KLF12: variants seen among roughly 807,000 people sequenced by gnomAD.
The protein encoded by KLF12 is KLF transcription factor 12, also known as Krueppel-like factor 12.
A neutral mutation model predicts 37.8 loss-of-function variants in KLF12; 9 were observed. That is an observed-to-expected ratio of 0.24 (90% CI 0.14 to 0.42). The LOEUF (loss-of-function observed/expected upper bound fraction) is 0.42. Among genes scored for constraint, KLF12 ranks in the 10% least tolerant of loss-of-function variants. The probability of loss-of-function intolerance (pLI) is 1.00; values close to 1 mark genes in which losing one functional copy is unlikely to be tolerated. For missense variants in KLF12, 411 were observed against 516.0 expected (o/e 0.80, Z 1.97); for synonymous variants, 208 against 202.1 (o/e 1.03, Z -0.25).
the KLF12 span, among the ~76,000 whole-genome samples, chr13:74,184,432 G>GA: frequency 2.1e-4 from 31 of 148,860 alleles, no homozygotes; most frequent in East Asian, 3.7e-3. Flanking sequence ...TTTCCAAACT[G>GA]AAAAAAAAAA....
At chr13:74,268,807 C>T in the KLF12 span, among the ~76,000 whole-genome samples, 4 of 152,180 alleles carry the variant, frequency 2.6e-5, no homozygotes, top group African/African-American at 9.7e-5. Flanking sequence ...AATGCATCCA[C>T]CAGGCATTGT....
chr13:74,074,040 T>C (rs1249774891), intron 1 of KLF12, among the ~76,000 whole-genome samples: 1 of 152,216 alleles, frequency 6.6e-6, no homozygotes, highest in African/African-American at 2.4e-5. Context: ...TTAGAAGACA[T>C]TTTCTATAGG....
At chr13:74,242,747 A>C in the KLF12 span, among the ~76,000 whole-genome samples, 1 of 152,130 alleles carries the variant, frequency 6.6e-6, no homozygotes, top group Non-Finnish European at 1.5e-5. Flanking sequence ...CTGGGGATAC[A>C]AGGGGAAAGA....
chr13:74,258,540 G>T, the KLF12 span: 1 of 152,106 alleles, frequency 6.6e-6, no homozygotes, highest in Non-Finnish European at 1.5e-5. Flanking sequence ...TTATATTTTT[G>T]CAAATTTTTG....
At chr13:74,064,406 A>ATTCAG (rs10678425) in intron 1 of KLF12, among the ~76,000 whole-genome samples, 3 of 152,096 alleles carry the variant, frequency 2.0e-5, no homozygotes, top group Non-Finnish European at 4.4e-5. Context: ...CTCACTCAAT[A>ATTCAG]TTAAGTATTA....
intron 6 of KLF12, among the ~76,000 whole-genome samples, chr13:73,732,826 C>G (rs1410617958): frequency 6.6e-6 from 1 of 152,050 alleles, no homozygotes; most frequent in Non-Finnish European, 1.5e-5. Context: ...AAGCAGATAA[C>G]TCTAACTTAA....
intron 6 of KLF12, among the ~76,000 whole-genome samples, chr13:73,732,421 T>A (rs1209430679): frequency 6.6e-6 from 1 of 152,056 alleles, no homozygotes; most frequent in East Asian, 1.9e-4. Flanking sequence ...GAGAGAGAAA[T>A]CTGGGGTTCA....
At chr13:74,305,927 G>T in the KLF12 span, among the ~76,000 whole-genome samples, 1 of 152,030 alleles carries the variant, frequency 6.6e-6, no homozygotes. Context: ...AGAAACAAAT[G>T]ATCTCTCTGC....
chr13:73,873,162 T>C (rs1437049050), intron 3 of KLF12, among the ~76,000 whole-genome samples: 1 of 152,100 alleles, frequency 6.6e-6, no homozygotes, highest in African/African-American at 2.4e-5. Context: ...ACATAATCGA[T>C]GATCTATTTG....
At chr13:73,827,050 G>C (rs1439706001) in intron 4 of KLF12, among the ~76,000 whole-genome samples, 2 of 152,100 alleles carry the variant, frequency 1.3e-5, no homozygotes, top group African/African-American at 4.8e-5. Context: ...CAAAGCACAA[G>C]GATTACAGGC....
intron 3 of KLF12, among the ~76,000 whole-genome samples, chr13:73,916,249 A>ACACG (rs879372066): frequency 0.057 from 890 of 15,496 alleles, 13 homozygotes; most frequent in East Asian, 0.41. Flanking sequence ...ACGCACACGC[A>ACACG]CACACACACA....
At chr13:74,059,572 A>C (rs1371472979) in intron 1 of KLF12, among the ~76,000 whole-genome samples, 1 of 152,152 alleles carries the variant, frequency 6.6e-6, no homozygotes, top group Non-Finnish European at 1.5e-5. Flanking sequence ...TTTGTTGGCC[A>C]CTTACATGTC....
chr13:73,984,484 G>A (rs769996212), intron 2 of KLF12, among the ~76,000 whole-genome samples: 5 of 152,160 alleles, frequency 3.3e-5, no homozygotes, highest in African/African-American at 1.2e-4. Context: ...GAAGTTAGAG[G>A]CTTATGATCA....
intron 3 of KLF12, among the ~76,000 whole-genome samples, chr13:73,910,585 G>A (rs1888521509): frequency 6.6e-6 from 1 of 152,142 alleles, no homozygotes; most frequent in African/African-American, 2.4e-5. Flanking sequence ...AGGGGTAGGA[G>A]AGAGAGAATG....
chr13:73,941,391 T>C (rs896739734), intron 3 of KLF12, among the ~76,000 whole-genome samples: 1 of 152,148 alleles, frequency 6.6e-6, no homozygotes, highest in Non-Finnish European at 1.5e-5. Context: ...CAAAACTCTA[T>C]GTCGTAAAAA....
intron 3 of KLF12, among the ~76,000 whole-genome samples, chr13:73,869,508 G>T (rs1886361092): frequency 1.3e-5 from 2 of 151,836 alleles, no homozygotes; most frequent in Non-Finnish European, 2.9e-5. Context: ...ATTTTTCAGG[G>T]TTTAATTTTA....
At chr13:74,046,168 T>A (rs1445424256) in intron 1 of KLF12, among the ~76,000 whole-genome samples, 1 of 152,176 alleles carries the variant, frequency 6.6e-6, no homozygotes, top group Non-Finnish European at 1.5e-5. Flanking sequence ...ATATGAACTT[T>A]TATTTAATGT....
At chr13:73,825,716 GA>G (rs139497346) in intron 4 of KLF12, among the ~76,000 whole-genome samples, 5 of 151,722 alleles carry the variant, frequency 3.3e-5, no homozygotes, top group South Asian at 4.2e-4. Flanking sequence ...ATTTTCTACT[GA>G]AAAAAAACAG....
rs1464959096 is a variant in KLF12, at chr13:74,133,906, C to G, written c.-199G>C. Among the ~76,000 whole-genome samples the G allele has an allele frequency of 6.6e-6, 1 of 152,090 alleles. No individual in the cohort carries two copies. The highest frequency in any genetic ancestry group is 1.5e-5 in the Non-Finnish European group (1 of 68,014). ...GCACACGCAGAGCCTCTCAGCGGCT[C>G]TCTGCAGTTCTCAGGAAATGAATGG... On this transcript the variant is annotated 5_prime_UTR_variant, in exon 1 of 8. Transcript: ENST00000377669.
Sources: allele counts gnomAD v4.1 joint callset (sites outside exome capture counted in the v4.1 genomes callset), GRCh38; gene constraint gnomAD v4.1.1; transcripts MANE v1.5; gene names NCBI Gene and HGNC (gene_info 2026-07-23, HGNC 2026-07-21).